The following TDRD12 variants were observed in gnomAD, a reference collection of about 807,000 sequenced individuals.
The protein encoded by TDRD12 is tudor domain containing 12, also known as putative ATP-dependent RNA helicase TDRD12.
TDRD12 carries 158 observed loss-of-function variants against 133.5 expected under a neutral mutation model. The observed-to-expected ratio is 1.18, with a 90% CI of 1.04 to 1.35. TDRD12 has a LOEUF of 1.35. TDRD12 is among the 40% of genes most tolerant of loss of function. The pLI, the probability that TDRD12 is intolerant of heterozygous loss-of-function variation, is 0.00. For missense variants in TDRD12, 1,443 were observed against 1,321.3 expected (o/e 1.09, Z -1.43); for synonymous variants, 460 against 477.9 (o/e 0.96, Z 0.49).
intron 11 of TDRD12, among the ~76,000 whole-genome samples, chr19:32,777,589 A>G (rs1970618635): frequency 6.6e-6 from 1 of 151,904 alleles, no homozygotes; most frequent in Admixed American, 6.6e-5. Context: ...CAACACTGCT[A>G]GAGAAACTGA....
intron 1 of TDRD12, among the ~76,000 whole-genome samples, chr19:32,729,460 G>A (rs989860208): frequency 4.0e-5 from 6 of 151,434 alleles, no homozygotes; most frequent in Admixed American, 6.6e-5. Context: ...CTCGTGATCC[G>A]CCCGTCTCGG....
At position 32,728,811 on chromosome 19, in the gene TDRD12, A is replaced by AT. The variant is rs34126241; in HGVS notation, c.25-2896dup. On this transcript the variant is annotated intron_variant, in intron 1 of 27. Coordinates refer to ENST00000444215, the Ensembl canonical transcript of TDRD12. ...CAGGTGCCCACCACCACACCTGGCT[A>AT]TTTTTTTTTTTTTTTTTTGTACAGA... Among the ~76,000 whole-genome samples, 406 of 115,876 alleles carry AT rather than the reference A, an allele frequency of 3.5e-3. 5 individuals carry two copies. Among genetic ancestry groups the AT allele is most frequent in the Middle Eastern group, 8.8e-3 (2 of 228 alleles). 76.0% of individuals were successfully genotyped at this position (115,876 alleles called of 152,430 possible).
chr19:32,745,077 C>G (rs904721535), intron 4 of TDRD12, among the ~76,000 whole-genome samples: 2 of 152,248 alleles, frequency 1.3e-5, no homozygotes, highest in African/African-American at 4.8e-5. Flanking sequence ...GCCAGCCCCC[C>G]CCACTACTCA....
chr19:32,786,582 T>C (rs1255347357), intron 11 of TDRD12, among the ~76,000 whole-genome samples: 1 of 152,226 alleles, frequency 6.6e-6, no homozygotes, highest in Admixed American at 6.5e-5. Context: ...GATTTGGTCT[T>C]TTCACATAGT....
chr19:32,754,567 A>G (rs955837016), intron 6 of TDRD12, among the ~76,000 whole-genome samples: 4 of 151,528 alleles, frequency 2.6e-5, no homozygotes, highest in Non-Finnish European at 4.4e-5. Flanking sequence ...CTTGTAAAAT[A>G]TCTTTTTTTC....
At chr19:32,759,354 G>A (rs893361738) in intron 8 of TDRD12, among the ~76,000 whole-genome samples, 12 of 152,208 alleles carry the variant, frequency 7.9e-5, no homozygotes, top group Admixed American at 4.6e-4. Flanking sequence ...ATATGTACAC[G>A]GAGGGGAGGT....
downstream of TDRD12, among the ~76,000 whole-genome samples, chr19:32,821,511 T>C (rs1967396433): frequency 6.6e-6 from 1 of 152,030 alleles, no homozygotes; most frequent in Non-Finnish European, 1.5e-5. Flanking sequence ...TCTGACACCA[T>C]GAGTTTTGCT....
At chr19:32,823,433 T>C (rs1967473677), downstream of TDRD12, among the ~76,000 whole-genome samples, 1 of 152,094 alleles carries the variant, frequency 6.6e-6, no homozygotes, top group African/African-American at 2.4e-5. Flanking sequence ...TCTGGAAGGA[T>C]GGGTTTAGAC....
At chr19:32,787,447 C>G (rs1970940517) in intron 11 of TDRD12, among the ~76,000 whole-genome samples, 2 of 152,344 alleles carry the variant, frequency 1.3e-5, no homozygotes, top group African/African-American at 4.8e-5. Context: ...AACCACTGCT[C>G]TCTTCATAGC....
At chr19:32,756,542 C>A (rs1207891723) in intron 7 of TDRD12, among the ~76,000 whole-genome samples, 1 of 152,100 alleles carries the variant, frequency 6.6e-6, no homozygotes, top group Non-Finnish European at 1.5e-5. Flanking sequence ...CACCTGCCAC[C>A]ATGCCTGGCT....
intron 13 of TDRD12, among the ~76,000 whole-genome samples, chr19:32,791,696 A>G (rs1482270859): frequency 6.6e-6 from 1 of 152,034 alleles, no homozygotes; most frequent in African/African-American, 2.4e-5. Context: ...GCCAGCTTGT[A>G]TTGTTCTCAG....
At position 32,796,885 on chromosome 19, in the gene TDRD12, GGT is replaced by G. The variant is rs377645598; in HGVS notation, c.1474-843_1474-842del. Among the ~76,000 whole-genome samples, 1,426 of 152,184 alleles carry G rather than the reference GGT, an allele frequency of 9.4e-3. 26 individuals are homozygous for G. The highest frequency in any genetic ancestry group is 0.032 in the African/African-American group (1,339 of 41,508). ...CTCAGCTTGTCTTCAGTTACTGGAG[GGT>G]GTGTGTCTGGCAGGCAGTGCAGCTT... On this transcript the variant is annotated intron_variant, in intron 14 of 27. Transcript: ENST00000444215.
At chr19:32,747,286 C>A (rs777035888) in intron 4 of TDRD12, among the ~76,000 whole-genome samples, 3 of 152,116 alleles carry the variant, frequency 2.0e-5, no homozygotes, top group Non-Finnish European at 4.4e-5. Context: ...TTAGGTAATT[C>A]TTTGTGTGTA....
intron 1 of TDRD12, 131 bp downstream of exon 1, chr19:32,720,227 CCCA>C: frequency 1.0e-6 from 1 of 961,876 alleles, no homozygotes; most frequent in Non-Finnish European, 1.5e-6. Flanking sequence ...CGCACAGCCT[CCCA>C]CCCCCGACCC....
At chr19:32,797,181 A>G (rs996711136) in intron 14 of TDRD12, among the ~76,000 whole-genome samples, 2 of 121,622 alleles carry the variant, frequency 1.6e-5, no homozygotes, top group African/African-American at 5.1e-5. Flanking sequence ...GGGTTTCACC[A>G]TATTGGTCAG....
At chr19:32,764,195 C>T (rs113038063) in intron 8 of TDRD12, among the ~76,000 whole-genome samples, 7,608 of 145,244 alleles carry the variant, frequency 0.052, 332 homozygotes, top group East Asian at 0.24. Flanking sequence ...ACTGCAAGCT[C>T]CGCCTCCCAG....
At chr19:32,798,265 C>G in intron 15 of TDRD12, 43 bp from the exon 16 acceptor site, 1 of 1,512,342 alleles carries the variant, frequency 6.6e-7, no homozygotes, top group South Asian at 1.2e-5. Flanking sequence ...CTTAGAAAAA[C>G]CTGTGGAAAA....
intron 16 of TDRD12, among the ~76,000 whole-genome samples, chr19:32,799,230 G>A (rs1213069950): frequency 2.6e-5 from 4 of 152,150 alleles, no homozygotes; most frequent in African/African-American, 7.2e-5. Flanking sequence ...CTGACTATGA[G>A]GCGGTGCAGG....
chr19:32,733,966 A>T (rs1419746807), intron 2 of TDRD12, among the ~76,000 whole-genome samples: 1 of 148,852 alleles, frequency 6.7e-6, no homozygotes, highest in Non-Finnish European at 1.5e-5. Context: ...ATCTCTGCTC[A>T]CTGGAAGCCC....
Sources: gnomAD v4.1 joint callset for allele counts (sites outside exome capture counted in the v4.1 genomes callset) on GRCh38, gnomAD v4.1.1 for gene constraint, MANE v1.5 for transcripts, NCBI Gene and HGNC (gene_info 2026-07-23, HGNC 2026-07-21) for gene names.